Variants in AP4M1 observed in about 807,000 individuals in gnomAD.
AP4M1 encodes the protein adaptor related protein complex 4 subunit mu 1, also known as AP-4 complex subunit mu-1.
Under a neutral mutation model 62.4 loss-of-function variants are expected in AP4M1, and 58 were observed. The observed-to-expected ratio is 0.93, with a 90% CI of 0.75 to 1.16. The LOEUF is 1.16. Ranked by LOEUF, AP4M1 falls within the 50% of genes most tolerant of loss-of-function variation. The pLI is 0.00. For missense variants in AP4M1, 626 were observed against 585.4 expected (o/e 1.07, Z -0.72); for synonymous variants, 290 against 239.7 (o/e 1.21, Z -1.94).
At chr7:100,105,684 C>T in intron 11 of AP4M1, 145 bp downstream of exon 11, 1 of 911,092 alleles carries the variant, frequency 1.1e-6, no homozygotes, top group Admixed American at 2.0e-5. Context: ...CGGTGGCTCA[C>T]ACCTGTAATC....
upstream of AP4M1, chr7:100,101,382 C>A (rs528128679): frequency 1.4e-5 from 22 of 1,571,788 alleles, 1 homozygote; most frequent in Admixed American, 1.7e-4. Flanking sequence ...TGGACTGTGG[C>A]CGGCCAACCG....
Position 100,106,389 on chromosome 7 carries a change from T to C in AP4M1, c.1026-14T>C. On this transcript the variant is annotated splice_polypyrimidine_tract_variant and intron_variant, in intron 13 of 14. Transcript: ENST00000359593. ...AAGGTGCCAAGCCCAGCACCTTCCC[T>C]TTCCAAACTCCAGCCTGTCTCAGGA... 1 of 1,613,458 alleles carries C rather than the reference T, an allele frequency of 6.2e-7. No homozygotes were observed. Among genetic ancestry groups the C allele is most frequent in the Non-Finnish European group, 8.5e-7 (1 of 1,179,910 alleles).
At chr7:100,102,517 A>G (rs1278900369) in intron 2 of AP4M1, 158 bp from the exon 3 acceptor site, 3 of 698,164 alleles carry the variant, frequency 4.3e-6, no homozygotes, top group Non-Finnish European at 7.7e-6. Context: ...CCCCCTTTCC[A>G]CATTGGGAAG....
chr7:100,106,562 G>GCGCCCCCCCC, intron 14 of AP4M1, 48 bp downstream of exon 14: 1 of 1,514,792 alleles, frequency 6.6e-7, no homozygotes, highest in Non-Finnish European at 9.1e-7. Context: ...TTCACTTGCA[G>GCGCCCCCCCC]CCCCCACCCC....
chr7:100,102,970 A>G lies in AP4M1; in HGVS notation c.351+10A>G, dbSNP rs1796178355. On this transcript the variant is annotated intron_variant, in intron 4 of 14. Transcript: ENST00000359593. ...CCTGGATGAAGTGCTGGTGAGAATCAACAATCCCCTTCTGTGGCCCCTACC... is the reference window on the plus strand; with the variant it reads ...CCTGGATGAAGTGCTGGTGAGAATCGACAATCCCCTTCTGTGGCCCCTACC... The G allele has an allele frequency of 1.2e-6, 2 of 1,611,314 alleles. No homozygotes were observed. Among genetic ancestry groups the G allele is most frequent in the Non-Finnish European group, 1.7e-6 (2 of 1,177,690 alleles).
At position 100,102,812 on chromosome 7, in the gene AP4M1, C is replaced by T. The variant is rs1796163526; in HGVS notation, c.254+31C>T. The T allele has an allele frequency of 4.3e-6, 7 of 1,612,824 alleles. No homozygotes were observed. The East Asian group carries it at 1.6e-4, about 36-fold the overall frequency. On this transcript the variant is annotated intron_variant, in intron 3 of 14. Transcript: ENST00000359593. ...GAGGGTTGGGCTGGGCACCTGGTAG[C>T]TAGGAGGGGTCTGAGAGGAGGAGAA...
intron 4 of AP4M1, 95 bp downstream of exon 4, chr7:100,103,055 GTCTACC>G: frequency 1.5e-6 from 1 of 651,938 alleles, no homozygotes; most frequent in Non-Finnish European, 2.6e-6. Flanking sequence ...AGGAGGCCAA[GTCTACC>G]TTTTTTTTTT....
At position 100,104,133 on chromosome 7, in the gene AP4M1, G is replaced by T; in HGVS notation, c.585G>T (p.Leu195Phe). Residue 195 changes from leucine to phenylalanine, a missense_variant, in exon 7 of 15, where the codon TTG (leucine) becomes TTT (phenylalanine). Physicochemically the swap from Leu to Phe is conservative, Grantham distance 22 (BLOSUM62 0). Coordinates refer to ENST00000359593, the MANE Select transcript of AP4M1 (RefSeq NM_004722.4). ...TTTTTTTGGATGTGGTCGAGAGATT[G>T]TCTGTACTGATAGCATCTAATGTAA... ...NEVFLDVVER[L>F]SVLIASNGSL... The T allele has an allele frequency of 6.2e-7, 1 of 1,614,044 alleles. No individual in the cohort carries two copies.
rs1584506193 is a variant in AP4M1, at chr7:100,102,296, C to T, written c.147+328C>T. The T allele has an allele frequency of 9.3e-6, 5 of 535,022 alleles. No homozygotes were observed. The East Asian group carries it at 1.8e-4, about 20-fold the overall frequency. The allele number at this position is 535,022 out of a possible 1,614,324, so 33.1% of individuals were successfully genotyped here. On this transcript the variant is annotated intron_variant, in intron 2 of 14. Coordinates refer to ENST00000359593, the MANE Select transcript of AP4M1 (RefSeq NM_004722.4). Reference sequence around the variant, plus strand: ...ATCCCATCTACTCGGGAAGCTGAGGCTTGAGAATCGCTTGAATCCAAGAGG... The same window carrying T: ...ATCCCATCTACTCGGGAAGCTGAGGTTTGAGAATCGCTTGAATCCAAGAGG...
rs1562915464 is a variant in AP4M1, at chr7:100,107,195, CGT to C, written c.*318_*319del. 2.6e-6 allele frequency: 4 copies of C among 1,519,004 alleles called. No individual in the cohort carries two copies. The Admixed American group carries it at 6.7e-5, about 25-fold the overall frequency. The allele number at this position is 1,519,004 out of a possible 1,614,324, so 94.1% of individuals were successfully genotyped here. ...GCGAGCATGCATGTGTGTACGTGCA[CGT>C]GTGTACATGTCTGCATGTGTGGGAA... On this transcript the variant is annotated 3_prime_UTR_variant, in exon 15 of 15. Transcript: ENST00000359593.
At chr7:100,102,433 G>C in intron 2 of AP4M1, 1 of 582,980 alleles carries the variant, frequency 1.7e-6, no homozygotes, top group Non-Finnish European at 3.1e-6. Context: ...GAGTCAATGG[G>C]CGCCAGCAAC....
intron 2 of AP4M1, chr7:100,102,379 A>C: frequency 2.0e-6 from 1 of 506,162 alleles, no homozygotes; most frequent in Non-Finnish European, 3.6e-6. Context: ...AGACAGAGCG[A>C]GACTCCCTCT....
rs746187476 is a variant in AP4M1, at chr7:100,106,322, C to G, written c.1025+31C>G. 5.0e-6 allele frequency: 8 copies of G among 1,613,662 alleles called. No individual in the cohort carries two copies. In the African/African-American group the frequency reaches 9.3e-5, roughly 19 times the overall value. ...TGTGTGCACCCACCACGGGGAGATT[C>G]CTGGGGAGAGAGTGAGCTCAGCATG... On this transcript the variant is annotated intron_variant, in intron 13 of 14. Coordinates refer to ENST00000359593, the MANE Select transcript of AP4M1 (RefSeq NM_004722.4).
intron 7 of AP4M1, 120 bp downstream of exon 7, chr7:100,104,274 T>C (rs1796293054): frequency 1.1e-6 from 1 of 875,818 alleles, no homozygotes; most frequent in Non-Finnish European, 1.9e-6. Flanking sequence ...TCCCAGTGCT[T>C]TGGGAGGCCG....
chr7:100,104,587 T>C (rs1291190525), intron 7 of AP4M1, among the ~76,000 whole-genome samples: 1 of 152,060 alleles, frequency 6.6e-6, no homozygotes, highest in African/African-American at 2.4e-5. Context: ...TCCCAGCACT[T>C]TGAGAGGCCG....
chr7:100,104,929 C>G lies in AP4M1; in HGVS notation c.662C>G (p.Pro221Arg). The G allele has an allele frequency of 6.2e-7, 1 of 1,614,178 alleles. No individual in the cohort carries two copies. The highest frequency in any genetic ancestry group is 1.7e-5 in the Admixed American group (1 of 60,026). The change falls in exon 8 of 15, where the codon CCT becomes CGT. Residue 221 changes from proline (P) to arginine (R), a missense_variant. Transcript: ENST00000359593. ...QGEIRLKSFL[P>R]SGSEMRIGLT... ...GAGATTCGGCTCAAGAGCTTCCTTC[C>G]TAGCGGCTCTGGTGAGGCATCTGCA...
At position 100,106,459 on chromosome 7, in the gene AP4M1, T is replaced by C. The variant is rs1449166879; in HGVS notation, c.1082T>C (p.Leu361Pro). ...AAGGCTGAGCTGGCAGAGGGAGCCC[T>C]TCGCTGGGACCTGCCTCGGGTGCAA... ...EQKAELAEGA[L>P]RWDLPRVQGG... The change falls in exon 14 of 15, where the codon CTT becomes CCT. Residue 361 changes from leucine to proline, a missense_variant. Physicochemically the swap from Leu to Pro is moderately conservative, Grantham distance 98 (BLOSUM62 -3). Transcript: ENST00000359593. 1 of 1,613,896 alleles carries C rather than the reference T, an allele frequency of 6.2e-7. No individual in the cohort carries two copies. The highest frequency in any genetic ancestry group is 8.5e-7 in the Non-Finnish European group (1 of 1,180,028).
At position 100,106,535 on chromosome 7, in the gene AP4M1, G is replaced by T; in HGVS notation, c.1137+21G>T. The stretch of plus-strand genomic sequence containing the variant: ...TCCAGGTATTCGCTGTGGACCCCCA[G>T]CCCCTCTCCTCCCACATTCACTTGC... On this transcript the variant is annotated intron_variant, in intron 14 of 14. Transcript: ENST00000359593. 2.5e-6 allele frequency: 4 copies of T among 1,607,032 alleles called. No homozygotes were observed. The South Asian group carries it at 4.4e-5, about 18-fold the overall frequency.
At chr7:100,105,381 C>T (rs1562909914) in intron 10 of AP4M1, 35 bp downstream of exon 10, 1 of 1,613,200 alleles carries the variant, frequency 6.2e-7, no homozygotes, top group East Asian at 2.2e-5. Context: ...ATTCCGTCCA[C>T]CATGGGGAAG....
Sources: allele counts gnomAD v4.1 joint callset (sites outside exome capture counted in the v4.1 genomes callset), GRCh38; gene constraint gnomAD v4.1.1; transcripts MANE v1.5; gene names NCBI Gene and HGNC (gene_info 2026-07-23, HGNC 2026-07-21).